HECW1: variants seen among roughly 807,000 people sequenced by gnomAD.
HECW1 encodes E3 ubiquitin-protein ligase HECW1.
Under a neutral mutation model 182.3 loss-of-function variants are expected in HECW1, and 61 were observed. That is an observed-to-expected ratio of 0.33 (90% CI 0.27 to 0.41). HECW1 has a LOEUF of 0.41. Among genes scored for constraint, HECW1 ranks in the 10% least tolerant of loss-of-function variants. HECW1 has a pLI of 1.00. For missense variants in HECW1, 1,739 were observed against 2,108.9 expected (o/e 0.82, Z 3.44); for synonymous variants, 859 against 832.6 (o/e 1.03, Z -0.55).
rs560189900 is a variant in HECW1, at chr7:43,500,682, T to C, written c.3438-17T>C. On this transcript the variant is annotated splice_polypyrimidine_tract_variant and intron_variant, in intron 19 of 29. Transcript: ENST00000395891. ...GTGTTGGCATCTAATTTTCCTCTTC[T>C]TTCTCACATGATTCAGGGAGAAAAT... is the stretch of plus-strand genomic sequence containing the variant. 41 of 1,601,256 alleles carry C rather than the reference T, an allele frequency of 2.6e-5. No individual in the cohort carries two copies. In the East Asian group the frequency reaches 8.7e-4, roughly 34 times the overall value.
Position 43,311,805 on chromosome 7 carries a change from T to C in HECW1, c.70T>C (p.Ser24Pro). The C allele has an allele frequency of 6.2e-7, 1 of 1,614,050 alleles. No individual in the cohort carries two copies. Among genetic ancestry groups the C allele is most frequent in the Non-Finnish European group, 8.5e-7 (1 of 1,179,954 alleles). ...GTTTTTAGGCCTGGCCGCCATGGCG[T>C]CTCCTTCTAGAAACTCCCAGAGCCG... ...NRFLGLAAMA[S>P]PSRNSQSRRR... The change falls in exon 4 of 30, where the codon TCT (serine) becomes CCT (proline). Residue 24 changes from serine (S) to proline (P), a missense_variant. Physicochemically the swap from Ser to Pro is moderately conservative, Grantham distance 74. This residue lies in a region of HECW1 where 279 missense variants were observed against 353.1 expected (regional missense o/e 0.79). Transcript: ENST00000395891.
intron 3 of HECW1, among the ~76,000 whole-genome samples, chr7:43,281,208 G>A (rs1322045511): frequency 2.0e-5 from 3 of 152,094 alleles, no homozygotes; most frequent in Non-Finnish European, 4.4e-5. Context: ...ACTGCAGGAA[G>A]CCCCAGCCCG....
chr7:43,229,587 C>T (rs930979649), intron 2 of HECW1, among the ~76,000 whole-genome samples: 7 of 151,936 alleles, frequency 4.6e-5, no homozygotes, highest in African/African-American at 1.7e-4. Context: ...CACAAGTTTG[C>T]CTGTACAACA....
chr7:43,309,830 C>G (rs1406434616), intron 3 of HECW1, among the ~76,000 whole-genome samples: 1 of 152,208 alleles, frequency 6.6e-6, no homozygotes, highest in Non-Finnish European at 1.5e-5. Context: ...GTGACGGAGC[C>G]TGGCTGAGTG....
At chr7:43,454,469 G>T (rs1379206689) in intron 12 of HECW1, among the ~76,000 whole-genome samples, 1 of 152,072 alleles carries the variant, frequency 6.6e-6, no homozygotes, top group African/African-American at 2.4e-5. Flanking sequence ...TTTCATCCAT[G>T]AGCTAATTAC....
At chr7:43,393,203 A>G (rs2075105579) in intron 6 of HECW1, among the ~76,000 whole-genome samples, 1 of 152,150 alleles carries the variant, frequency 6.6e-6, no homozygotes, top group African/African-American at 2.4e-5. Flanking sequence ...AACAGGACCC[A>G]GCACCAAGCA....
chr7:43,526,378 G>T (rs2080756091), intron 24 of HECW1, among the ~76,000 whole-genome samples: 1 of 151,866 alleles, frequency 6.6e-6, no homozygotes, highest in African/African-American at 2.4e-5. Flanking sequence ...TGTTCACTAA[G>T]TATTCCAGCA....
In HECW1 at chr7:43,317,494, T is replaced by G. The variant is rs1224113529; in HGVS notation, c.353-3141T>G. 2.0e-5 allele frequency among the ~76,000 whole-genome samples: 3 copies of G among 152,358 alleles called. No individual in the cohort carries two copies. The East Asian group carries it at 5.8e-4, about 29-fold the overall frequency. On this transcript the variant is annotated intron_variant, in intron 4 of 29. Coordinates refer to ENST00000395891, the MANE Select transcript of HECW1 (RefSeq NM_015052.5). ...AGAGTCCACTTCTCCAGCCCTGAAT[T>G]CCCTGCATTAAATCCCTTTCTGCAT...
intron 2 of HECW1, among the ~76,000 whole-genome samples, chr7:43,127,883 CTT>C (rs141748005): frequency 2.0e-5 from 3 of 147,248 alleles, no homozygotes; most frequent in Non-Finnish European, 1.5e-5. Flanking sequence ...ATTGATTTTC[CTT>C]TTTTTTTTTT....
chr7:43,397,109 G>A (rs2075257617), intron 7 of HECW1, among the ~76,000 whole-genome samples: 1 of 152,242 alleles, frequency 6.6e-6, no homozygotes, highest in Non-Finnish European at 1.5e-5. Context: ...AAAGCATGTT[G>A]AGATGATGGA....
intron 1 of HECW1, chr7:43,113,662 G>C (rs1474216800): frequency 6.1e-6 from 1 of 165,236 alleles, no homozygotes; most frequent in African/African-American, 2.5e-5. Flanking sequence ...GGGAGCTGCC[G>C]GGGCGGGGAG....
chr7:43,213,439 A>ATTTTTTTTTTTTTTTTTT (rs35199868), intron 2 of HECW1, among the ~76,000 whole-genome samples: 1 of 92,484 alleles, frequency 1.1e-5, no homozygotes. Context: ...GATCATAAGA[A>ATTTTTTTTTTTTTTTTTT]TTTTTTTTTT....
chr7:43,151,564 A>T (rs1002755196), intron 2 of HECW1, among the ~76,000 whole-genome samples: 6 of 152,236 alleles, frequency 3.9e-5, no homozygotes, highest in African/African-American at 1.4e-4. Context: ...TTGTGCCAAA[A>T]AAGTAGGCTG....
chr7:43,389,384 C>T (rs1242276937), intron 6 of HECW1, among the ~76,000 whole-genome samples: 1 of 152,208 alleles, frequency 6.6e-6, no homozygotes, highest in African/African-American at 2.4e-5. Flanking sequence ...GATTCTGATG[C>T]ATGCTAAAGT....
At chr7:43,176,568 G>A (rs73690265) in intron 2 of HECW1, among the ~76,000 whole-genome samples, 2 of 152,274 alleles carry the variant, frequency 1.3e-5, no homozygotes, top group African/African-American at 4.8e-5. Context: ...ACAGTGGGGG[G>A]CTCACAATAG....
At chr7:43,479,551 A>T (rs1037915815) in intron 16 of HECW1, 59 bp from the exon 17 acceptor site, 5 of 1,605,564 alleles carry the variant, frequency 3.1e-6, no homozygotes, top group Non-Finnish European at 4.3e-6. Flanking sequence ...TATATTACTG[A>T]CTCCATTTTG....
intron 3 of HECW1, among the ~76,000 whole-genome samples, chr7:43,275,975 G>A (rs946902618): frequency 1.3e-5 from 2 of 152,148 alleles, no homozygotes; most frequent in African/African-American, 2.4e-5. Context: ...ATAGTGTATG[G>A]CATTCAATAC....
chr7:43,178,746 G>C (rs1217784633), intron 2 of HECW1, among the ~76,000 whole-genome samples: 1 of 152,166 alleles, frequency 6.6e-6, no homozygotes, highest in African/African-American at 2.4e-5. Context: ...GCAGCAAGGG[G>C]GACTGTATGC....
chr7:43,435,124 G>C (rs1203751233), intron 8 of HECW1, among the ~76,000 whole-genome samples: 1 of 150,662 alleles, frequency 6.6e-6, no homozygotes, highest in African/African-American at 2.4e-5. Context: ...TTAGCATTTA[G>C]TGTTACATGT....
Sources: allele counts gnomAD v4.1 joint callset (sites outside exome capture counted in the v4.1 genomes callset), GRCh38; gene constraint gnomAD v4.1.1; regional missense constraint gnomAD v4.1.1; transcripts MANE v1.5; gene names NCBI Gene and HGNC (gene_info 2026-07-23, HGNC 2026-07-21).